Variants in DNAH9 observed in about 807,000 individuals in gnomAD.
DNAH9 encodes DNAH9 variant protein.
A neutral mutation model predicts 471.6 loss-of-function variants in DNAH9; 345 were observed. The observed-to-expected ratio is 0.73, with a 90% CI of 0.67 to 0.80. The LOEUF (loss-of-function observed/expected upper bound fraction) is 0.80. Among genes scored for constraint, DNAH9 ranks in the 30% least tolerant of loss-of-function variants. The pLI, the probability that DNAH9 is intolerant of heterozygous loss-of-function variation, is 0.00. For missense variants in DNAH9, 5,407 were observed against 5,609.2 expected, an observed-to-expected ratio of 0.96 and a Z score of 1.15; for synonymous variants, 2,093 against 2,123.6, an observed-to-expected ratio of 0.99 and a Z score of 0.40.
rs140977321 is a variant in DNAH9, at chr17:11,733,960, G to A, written c.5815-4920G>A. On this transcript the variant is annotated intron_variant, in intron 28 of 68. Transcript: ENST00000262442. ...ATGTGCAATTGCAAGGACCATAGAGGCTGGAAAAAGACAGTAAAACCATCT... is the reference window on the plus strand; with the variant it reads ...ATGTGCAATTGCAAGGACCATAGAGACTGGAAAAAGACAGTAAAACCATCT... Among the ~76,000 whole-genome samples, 151 of 152,164 alleles carry A rather than the reference G, an allele frequency of 9.9e-4. 1 individual carries two copies. Among genetic ancestry groups the A allele is most frequent in the African/African-American group, 3.4e-3 (141 of 41,508 alleles).
intron 42 of DNAH9, among the ~76,000 whole-genome samples, chr17:11,796,759 C>T (rs191977586): frequency 1.3e-5 from 2 of 152,322 alleles, no homozygotes; most frequent in African/African-American, 4.8e-5. Flanking sequence ...TCCTCGACAA[C>T]CTTTCCTCTA....
intron 62 of DNAH9, among the ~76,000 whole-genome samples, chr17:11,926,039 A>AGG (rs1974310618): frequency 2.2e-5 from 3 of 137,126 alleles, no homozygotes; most frequent in Non-Finnish European, 4.6e-5. Context: ...TTCTCTGAAA[A>AGG]AAAAAAAAAA....
chr17:11,680,640 G>A, intron 18 of DNAH9, 83 bp from the exon 19 acceptor site: 2 of 1,147,316 alleles, frequency 1.7e-6, no homozygotes, highest in East Asian at 2.4e-5. Flanking sequence ...ACAGATGGAA[G>A]CATCTGGGCT....
In DNAH9 at chr17:11,886,617, G is replaced by A. The variant is rs529988572; in HGVS notation, c.10972-208G>A. Among the ~76,000 whole-genome samples, 19 of 150,764 alleles carry A rather than the reference G, an allele frequency of 1.3e-4. No individual in the cohort carries two copies. In the Middle Eastern group the frequency reaches 0.014, roughly 109 times the overall value. The stretch of plus-strand genomic sequence containing the variant: ...TGGAAGAGCTGACACCTCACCCTCC[G>A]AAAGCACTAGAAGTTTACCATCTCC... On this transcript the variant is annotated intron_variant, in intron 56 of 68. Coordinates refer to ENST00000262442, the MANE Select transcript of DNAH9 (RefSeq NM_001372.4).
chr17:11,869,189 A>G lies in DNAH9; in HGVS notation c.9989A>G (p.Asp3330Gly). ...LTARFEKATA[D>G]KLKCQQEAEV... ...GCCAGGTTTGAGAAAGCAACAGCAG[A>G]CAAACTCAAATGTCAGCAAGAAGCC... The change falls in exon 51 of 69, where the codon GAC becomes GGC. Residue 3330 changes from aspartate (D) to glycine (G), a missense_variant. Physicochemically the swap from Asp to Gly is moderately conservative, Grantham distance 94. Transcript: ENST00000262442. 1 of 1,613,880 alleles carries G rather than the reference A, an allele frequency of 6.2e-7. No homozygotes were observed. The highest frequency in any genetic ancestry group is 8.5e-7 in the Non-Finnish European group (1 of 1,179,836).
intron 7 of DNAH9, among the ~76,000 whole-genome samples, chr17:11,630,847 G>A (rs1230213294): frequency 1.3e-5 from 2 of 152,196 alleles, no homozygotes; most frequent in Admixed American, 1.3e-4. Flanking sequence ...TAGCTTGATT[G>A]TGGTGATCAT....
At chr17:11,958,198 C>T (rs1975765892) in intron 67 of DNAH9, among the ~76,000 whole-genome samples, 1 of 152,144 alleles carries the variant, frequency 6.6e-6, no homozygotes, top group African/African-American at 2.4e-5. Flanking sequence ...AACTATGTGA[C>T]ATTCTGAAAA....
rs144610508 is a variant in DNAH9, at chr17:11,959,671, C to T, written c.12844-2196C>T. Among the ~76,000 whole-genome samples, 7 of 152,278 alleles carry T rather than the reference C, an allele frequency of 4.6e-5. No homozygotes were observed. The East Asian group carries it at 1.4e-3, about 29-fold the overall frequency. On this transcript the variant is annotated intron_variant, in intron 67 of 68. Transcript: ENST00000262442. ...CCAGAAAAAACTTGCTCATCAAATTCGGGTTTGGTTGAAAGTGATAAATGT... is the reference window on the plus strand; with the variant it reads ...CCAGAAAAAACTTGCTCATCAAATTTGGGTTTGGTTGAAAGTGATAAATGT...
intron 45 of DNAH9, among the ~76,000 whole-genome samples, chr17:11,819,425 AT>A (rs1257270006): frequency 1.3e-5 from 2 of 150,212 alleles, no homozygotes; most frequent in Non-Finnish European, 3.0e-5. Flanking sequence ...CTGCCTCCTG[AT>A]TTTTTTTTTG....
At chr17:11,803,403 C>T (rs960099376) in intron 43 of DNAH9, among the ~76,000 whole-genome samples, 1 of 152,068 alleles carries the variant, frequency 6.6e-6, no homozygotes, top group Non-Finnish European at 1.5e-5. Context: ...TGTGTGTGCG[C>T]TCGCACACAC....
chr17:11,697,778 T>C (rs538023176), intron 22 of DNAH9, among the ~76,000 whole-genome samples: 1 of 152,198 alleles, frequency 6.6e-6, no homozygotes, highest in African/African-American at 2.4e-5. Flanking sequence ...TCTTCCACCA[T>C]ATTTAATTTT....
At chr17:11,767,694 G>T (rs987810595) in intron 36 of DNAH9, among the ~76,000 whole-genome samples, 1 of 135,948 alleles carries the variant, frequency 7.4e-6, no homozygotes, top group South Asian at 2.2e-4. Context: ...TATGTTTTGG[G>T]TCTGAGTGTG....
chr17:11,803,723 T>C (rs1969555207), intron 43 of DNAH9, among the ~76,000 whole-genome samples: 1 of 152,224 alleles, frequency 6.6e-6, no homozygotes, highest in African/African-American at 2.4e-5. Context: ...AGATATTGAA[T>C]GGCATGGGCC....
At chr17:11,716,500 T>C (rs2074966662) in intron 26 of DNAH9, among the ~76,000 whole-genome samples, 1 of 152,064 alleles carries the variant, frequency 6.6e-6, no homozygotes, top group Non-Finnish European at 1.5e-5. Flanking sequence ...ATATGTAAAA[T>C]AGGGAGATTA....
intron 27 of DNAH9, chr17:11,723,568 A>G (rs746562002): frequency 2.6e-5 from 4 of 152,184 alleles, no homozygotes; most frequent in Non-Finnish European, 4.4e-5. Flanking sequence ...GCATCCACCT[A>G]TGGAAACTCC....
intron 14 of DNAH9, among the ~76,000 whole-genome samples, chr17:11,654,945 A>G (rs976679043): frequency 6.6e-6 from 1 of 152,192 alleles, no homozygotes; most frequent in Non-Finnish European, 1.5e-5. Context: ...CCCTCAGGTC[A>G]AATACAAAAC....
chr17:11,680,949 TA>T, intron 19 of DNAH9, 60 bp downstream of exon 19: 1 of 1,467,282 alleles, frequency 6.8e-7, no homozygotes. Flanking sequence ...GAGTCATGGA[TA>T]ATCTTTTTGT....
rs561800304 is a variant in DNAH9 at position 11,967,618 on chromosome 17, T to C, written c.13234-1682T>C. On this transcript the variant is annotated intron_variant, in intron 68 of 68. Transcript: ENST00000262442. Reference sequence around the variant, plus strand: ...AATGTAAATGGATTAAGCAATACAATTTTAAAAAGGCAGAGATTAGCTAAA... The same window carrying C: ...AATGTAAATGGATTAAGCAATACAACTTTAAAAAGGCAGAGATTAGCTAAA... 1.3e-3 allele frequency among the ~76,000 whole-genome samples: 198 copies of C among 152,278 alleles called. 2 individuals are homozygous for C. Among genetic ancestry groups the C allele is most frequent in the African/African-American group, 4.3e-3 (178 of 41,556 alleles).
At chr17:11,848,399 A>T (rs999764130) in intron 49 of DNAH9, among the ~76,000 whole-genome samples, 1 of 152,038 alleles carries the variant, frequency 6.6e-6, no homozygotes, top group Non-Finnish European at 1.5e-5. Context: ...TTTTTAATCT[A>T]TCCTTTTTTT....
Sources: allele counts gnomAD v4.1 joint callset (sites outside exome capture counted in the v4.1 genomes callset), GRCh38; gene constraint gnomAD v4.1.1; transcripts MANE v1.5; gene names NCBI Gene and HGNC (gene_info 2026-07-23, HGNC 2026-07-21).